The following C11orf65 variants were observed in gnomAD, a reference collection of about 807,000 sequenced individuals.
C11orf65 encodes protein MFI.
C11orf65 carries 38 observed loss-of-function variants against 35.3 expected under a neutral mutation model. The ratio of observed to expected loss-of-function variants is 1.08; its 90% CI spans 0.83 to 1.41. The LOEUF (loss-of-function observed/expected upper bound fraction) is 1.41. Ranked by LOEUF, C11orf65 falls within the 40% of genes most tolerant of loss-of-function variation. The probability of loss-of-function intolerance (pLI) is 0.00; values close to 1 mark genes in which losing one functional copy is unlikely to be tolerated. For synonymous variants in C11orf65, 105 were observed against 114.4 expected (o/e 0.92, Z 0.53); for missense variants, 370 against 367.1 (o/e 1.01, Z -0.06).
chr11:108,460,923 C>T (rs1465299043), intron 2 of C11orf65, among the ~76,000 whole-genome samples: 1 of 152,016 alleles, frequency 6.6e-6, no homozygotes, highest in Non-Finnish European at 1.5e-5. Flanking sequence ...CAGGGTCTCT[C>T]CATGTTCGTC....
chr11:108,356,602 A>G (rs2089957460), intron 2 of C11orf65, among the ~76,000 whole-genome samples: 2 of 151,600 alleles, frequency 1.3e-5, no homozygotes, highest in Non-Finnish European at 1.5e-5. Context: ...AGCTTAACAT[A>G]TTCTTTAGTA....
chr11:108,360,449 G>T (rs2090589881), intron 2 of C11orf65, among the ~76,000 whole-genome samples: 1 of 130,174 alleles, frequency 7.7e-6, no homozygotes, highest in Non-Finnish European at 1.6e-5. Context: ...CATTTTATGA[G>T]GCCAGCATCA....
downstream of C11orf65, among the ~76,000 whole-genome samples, chr11:108,381,594 C>CTTTCTCTAATTTCTAA (rs2091865805): frequency 6.6e-6 from 1 of 152,140 alleles, no homozygotes; most frequent in Non-Finnish European, 1.5e-5. Flanking sequence ...CCCTGTGTCA[C>CTTTCTCTAATTTCTAA]TTTCTCTAAT....
chr11:108,421,572 C>G (rs2092817436), intron 3 of C11orf65, among the ~76,000 whole-genome samples: 1 of 152,122 alleles, frequency 6.6e-6, no homozygotes, highest in South Asian at 2.1e-4. Flanking sequence ...GCAGGAGAAT[C>G]ACTTGAATCT....
At chr11:108,396,485 G>T (rs780722177) in intron 6 of C11orf65, among the ~76,000 whole-genome samples, 6 of 152,058 alleles carry the variant, frequency 3.9e-5, no homozygotes, top group Non-Finnish European at 8.8e-5. Context: ...GTTTTCAAGA[G>T]AGTCATAGTA....
chr11:108,331,648 A>G, intron 3 of C11orf65: 1 of 1,417,336 alleles, frequency 7.1e-7, no homozygotes, highest in Non-Finnish European at 9.4e-7. Context: ...TCCCTCTAAG[A>G]AATGGAAATA....
intron 3 of C11orf65, among the ~76,000 whole-genome samples, chr11:108,423,805 C>T (rs1329319080): frequency 6.6e-6 from 1 of 152,168 alleles, no homozygotes; most frequent in African/African-American, 2.4e-5. Context: ...TCCAGCAGAC[C>T]TGCAGCAGAG....
At chr11:108,397,434 G>C (rs147023267) in intron 6 of C11orf65, among the ~76,000 whole-genome samples, 30 of 152,116 alleles carry the variant, frequency 2.0e-4, no homozygotes, top group Admixed American at 1.6e-3. Context: ...AAATTTAGAG[G>C]GAAAGAATAT....
At chr11:108,330,257 G>T (rs587779862), downstream of C11orf65, 1 of 1,614,184 alleles carries the variant, frequency 6.2e-7, no homozygotes, top group African/African-American at 1.3e-5. Context: ...GGATGAATTA[G>T]CCCTGCGTGC....
chr11:108,391,670 C>T (rs227056), intron 7 of C11orf65, among the ~76,000 whole-genome samples: 81,827 of 151,608 alleles, frequency 0.54, 22,679 homozygotes, highest in Middle Eastern at 0.74. Flanking sequence ...TGAGCCACCA[C>T]GCCTGGCCCA....
rs551719792 is a variant in C11orf65, at chr11:108,454,614, T to C, written c.81+6865A>G. ...CACCAGGCCTACTTTTACATTTTTG[T>C]TTATTTATTTATTTATTTATTTACT... On this transcript the variant is annotated intron_variant, in intron 2 of 8. Coordinates refer to ENST00000393084, the MANE Select transcript of C11orf65 (RefSeq NM_152587.5). Among the ~76,000 whole-genome samples the C allele has an allele frequency of 6.7e-5, 10 of 149,164 alleles. No homozygotes were observed. The South Asian group carries it at 2.1e-3, about 31-fold the overall frequency.
chr11:108,417,991 G>T (rs2092764256), intron 3 of C11orf65, among the ~76,000 whole-genome samples: 2 of 150,950 alleles, frequency 1.3e-5, no homozygotes, highest in African/African-American at 2.4e-5. Flanking sequence ...GAGACAGTTG[G>T]TGTGGTTGTA....
intron 3 of C11orf65, among the ~76,000 whole-genome samples, chr11:108,427,008 C>T (rs1374863313): frequency 6.6e-6 from 1 of 152,122 alleles, no homozygotes; most frequent in East Asian, 1.9e-4. Context: ...AACTGGACCC[C>T]CCTTCCTTAC....
At chr11:108,372,079 G>A (rs776311206) in intron 2 of C11orf65, among the ~76,000 whole-genome samples, 1 of 152,150 alleles carries the variant, frequency 6.6e-6, no homozygotes, top group Non-Finnish European at 1.5e-5. Context: ...TTAGGAGATC[G>A]TAACGTTAGG....
chr11:108,345,990 C>T (rs2137045636), intron 2 of C11orf65: 1 of 1,510,190 alleles, frequency 6.6e-7, no homozygotes, highest in East Asian at 2.3e-5. Flanking sequence ...ACTTTTTCTA[C>T]ATTCTGAGTT....
chr11:108,365,526 ACC>A (rs765917174), intron 2 of C11orf65: 7 of 1,612,352 alleles, frequency 4.3e-6, no homozygotes, highest in Non-Finnish European at 5.9e-6. Flanking sequence ...TATATGAATT[ACC>A]CTTTCATTCA....
intron 2 of C11orf65, among the ~76,000 whole-genome samples, chr11:108,374,932 A>G (rs565367089): frequency 6.6e-6 from 1 of 152,358 alleles, no homozygotes; most frequent in East Asian, 1.9e-4. Context: ...AGGGAAGTTT[A>G]GAGAAAAAAG....
intron 2 of C11orf65, among the ~76,000 whole-genome samples, chr11:108,432,182 A>G (rs1051494014): frequency 1.3e-5 from 2 of 152,138 alleles, no homozygotes; most frequent in Non-Finnish European, 2.9e-5. Context: ...AGTATGGGAT[A>G]CTCTTGTCTG....
At chr11:108,442,796 G>A (rs1419947740) in intron 2 of C11orf65, among the ~76,000 whole-genome samples, 1 of 152,116 alleles carries the variant, frequency 6.6e-6, no homozygotes, top group Non-Finnish European at 1.5e-5. Context: ...GTCATCACCA[G>A]GCCTCCCTTA....
Sources: allele counts gnomAD v4.1 joint callset (sites outside exome capture counted in the v4.1 genomes callset), GRCh38; gene constraint gnomAD v4.1.1; transcripts MANE v1.5; gene names NCBI Gene and HGNC (gene_info 2026-07-23, HGNC 2026-07-21).